Variants in GRIN2A observed in about 807,000 individuals in gnomAD.
GRIN2A encodes glutamate ionotropic receptor NMDA type subunit 2A.
GRIN2A carries 22 observed loss-of-function variants against 113.4 expected under a neutral mutation model. The ratio of observed to expected loss-of-function variants is 0.19; its 90% CI spans 0.14 to 0.28. The LOEUF (loss-of-function observed/expected upper bound fraction) is 0.28, where lower values mean the gene tolerates loss of function less well. Among genes scored for constraint, GRIN2A ranks in the 10% least tolerant of loss-of-function variants. The pLI is 1.00. For missense variants in GRIN2A, 1,502 were observed against 1,887.0 expected (o/e 0.80, Z 3.78); for synonymous variants, 827 against 738.4 (o/e 1.12, Z -1.94).
intron 2 of GRIN2A, among the ~76,000 whole-genome samples, chr16:10,032,780 C>T (rs975767974): frequency 1.3e-5 from 2 of 152,158 alleles, no homozygotes; most frequent in African/African-American, 4.8e-5. Flanking sequence ...GAAACTGAGG[C>T]CCAGAGAGCT....
chr16:10,115,663 G>C (rs550361815), intron 2 of GRIN2A, among the ~76,000 whole-genome samples: 1 of 152,326 alleles, frequency 6.6e-6, no homozygotes, highest in Admixed American at 6.5e-5. Context: ...ATATTCCTGA[G>C]ACCCAACTTG....
At chr16:9,872,603 G>C (rs1467852779) in intron 4 of GRIN2A, among the ~76,000 whole-genome samples, 1 of 152,142 alleles carries the variant, frequency 6.6e-6, no homozygotes, top group Non-Finnish European at 1.5e-5. Flanking sequence ...TTCGGGTAAA[G>C]AAAATGTGGT....
intron 11 of GRIN2A, 89 bp from the exon 12 acceptor site, chr16:9,769,178 ACT>A: frequency 1.0e-6 from 1 of 980,938 alleles, no homozygotes; most frequent in South Asian, 1.3e-5. Flanking sequence ...ACGATGTGCA[ACT>A]CACAGCTATG....
At chr16:10,129,339 A>C (rs1596536013) in intron 2 of GRIN2A, among the ~76,000 whole-genome samples, 2 of 150,738 alleles carry the variant, frequency 1.3e-5, no homozygotes, top group Admixed American at 1.3e-4. Flanking sequence ...CCCTGCTTTC[A>C]AAGGACACAT....
chr16:10,133,020 A>C (rs1172856783), intron 2 of GRIN2A, among the ~76,000 whole-genome samples: 1 of 152,178 alleles, frequency 6.6e-6, no homozygotes, highest in Non-Finnish European at 1.5e-5. Flanking sequence ...CCATGGTCAC[A>C]TCTCCTTCTC....
At chr16:10,037,897 G>A (rs928758373) in intron 2 of GRIN2A, among the ~76,000 whole-genome samples, 1 of 152,066 alleles carries the variant, frequency 6.6e-6, no homozygotes, top group Non-Finnish European at 1.5e-5. Context: ...GAGATTACAG[G>A]CATGAATCAT....
chr16:10,097,373 C>A (rs1157287120), intron 2 of GRIN2A, among the ~76,000 whole-genome samples: 3 of 152,022 alleles, frequency 2.0e-5, no homozygotes, highest in African/African-American at 7.3e-5. Flanking sequence ...GAATGAGGAC[C>A]CGGGCTTCTT....
intron 2 of GRIN2A, among the ~76,000 whole-genome samples, chr16:10,084,751 T>TATTTA (rs1242092757): frequency 5.3e-5 from 8 of 151,454 alleles, no homozygotes; most frequent in Non-Finnish European, 1.5e-5. Flanking sequence ...ACACTTTATT[T>TATTTA]ATTTATTTAT....
At chr16:10,019,571 T>C (rs984082220) in intron 2 of GRIN2A, among the ~76,000 whole-genome samples, 1 of 152,250 alleles carries the variant, frequency 6.6e-6, no homozygotes, top group African/African-American at 2.4e-5. Context: ...AAACAATTTA[T>C]CTACCCAAGG....
At chr16:9,779,488 G>A (rs1901812809) in intron 11 of GRIN2A, among the ~76,000 whole-genome samples, 2 of 152,120 alleles carry the variant, frequency 1.3e-5, no homozygotes, top group African/African-American at 2.4e-5. Flanking sequence ...AGACTTAGTT[G>A]TGGAATGAAG....
At chr16:10,157,205 G>A (rs115746545) in intron 2 of GRIN2A, among the ~76,000 whole-genome samples, 1,575 of 152,266 alleles carry the variant, frequency 0.01, 23 homozygotes, top group African/African-American at 0.036. Flanking sequence ...CGAACCAAGA[G>A]TTGGGCAGTG....
chr16:9,777,571 A>G (rs1901679739), intron 11 of GRIN2A, among the ~76,000 whole-genome samples: 1 of 152,252 alleles, frequency 6.6e-6, no homozygotes, highest in Non-Finnish European at 1.5e-5. Flanking sequence ...GTATCCAGTT[A>G]GAGGCAGGGA....
intron 3 of GRIN2A, among the ~76,000 whole-genome samples, chr16:9,896,969 A>G (rs530922875): frequency 6.5e-4 from 99 of 152,342 alleles, no homozygotes; most frequent in African/African-American, 2.3e-3. Flanking sequence ...AATTGATCAT[A>G]AAGCTTTAGT....
At chr16:9,797,930 C>G (rs1460423066) in intron 11 of GRIN2A, among the ~76,000 whole-genome samples, 2 of 152,136 alleles carry the variant, frequency 1.3e-5, no homozygotes, top group African/African-American at 4.8e-5. Context: ...CAAAATTGCC[C>G]TTCACCCTTT....
intron 9 of GRIN2A, among the ~76,000 whole-genome samples, chr16:9,827,024 CT>C (rs1336928984): frequency 6.6e-6 from 1 of 152,180 alleles, no homozygotes; most frequent in Non-Finnish European, 1.5e-5. Context: ...AGGAATTGCA[CT>C]TTTGATCCCA....
At chr16:9,783,462 C>A (rs1351015449) in intron 11 of GRIN2A, among the ~76,000 whole-genome samples, 4 of 152,318 alleles carry the variant, frequency 2.6e-5, no homozygotes, top group Admixed American at 2.0e-4. Flanking sequence ...GCTTTCATGT[C>A]TATTTCGATC....
intron 11 of GRIN2A, among the ~76,000 whole-genome samples, chr16:9,775,233 G>C (rs566179848): frequency 6.6e-6 from 1 of 152,132 alleles, no homozygotes; most frequent in African/African-American, 2.4e-5. Context: ...TCTTGCCAAA[G>C]CACCTGACCC....
In GRIN2A at chr16:9,849,575, G is replaced by T. The variant is rs9934477; in HGVS notation, c.1328+181C>A. ...CTGGTGGAATTAAATGAATGCAAGT[G>T]TGGCACATCTCTAGGAATTTATCTA... is the stretch of plus-strand genomic sequence containing the variant. On this transcript the variant is annotated intron_variant, in intron 5 of 12. Coordinates refer to ENST00000330684, the MANE Select transcript of GRIN2A (RefSeq NM_001134407.3). 0.34 allele frequency among the ~76,000 whole-genome samples: 51,239 copies of T among 151,950 alleles called. 9,169 individuals are homozygous for T. The highest frequency in any genetic ancestry group is 0.45 in the African/African-American group (18,758 of 41,440).
At chr16:10,112,171 G>A in intron 2 of GRIN2A, 2 of 586,774 alleles carry the variant, frequency 3.4e-6, no homozygotes, top group South Asian at 3.4e-5. Context: ...CTGCTCACCT[G>A]GGTAGGCATC....
Sources: allele counts gnomAD v4.1 joint callset (sites outside exome capture counted in the v4.1 genomes callset), GRCh38; gene constraint gnomAD v4.1.1; transcripts MANE v1.5; gene names NCBI Gene and HGNC (gene_info 2026-07-23, HGNC 2026-07-21).